CIP2A: variants seen among roughly 807,000 people sequenced by gnomAD.
The protein encoded by CIP2A is protein CIP2A.
In CIP2A, 103 loss-of-function variants were observed where a neutral mutation model predicts 110.9. The observed-to-expected ratio is 0.93, with a 90% CI of 0.79 to 1.09. The LOEUF (loss-of-function observed/expected upper bound fraction) is 1.09. CIP2A is among the 50% of genes least tolerant of loss of function. The pLI is 0.00. For synonymous variants in CIP2A, 381 were observed against 361.6 expected (o/e 1.05, Z -0.61); for missense variants, 1,088 against 1,038.4 (o/e 1.05, Z -0.66).
intron 5 of CIP2A, among the ~76,000 whole-genome samples, chr3:108,580,816 A>C (rs1434996918): frequency 6.6e-6 from 1 of 151,992 alleles, no homozygotes; most frequent in East Asian, 1.9e-4. Context: ...TTTGGTAGAG[A>C]CAGGGTTCAC....
At chr3:108,565,239 C>T in intron 12 of CIP2A, 116 bp downstream of exon 12, 1 of 579,518 alleles carries the variant, frequency 1.7e-6, no homozygotes, top group Non-Finnish European at 3.0e-6. Context: ...AAACTTTCTT[C>T]TCATTGCCAA....
chr3:108,589,165 GA>G, intron 1 of CIP2A, 108 bp downstream of exon 1: 1 of 764,594 alleles, frequency 1.3e-6, no homozygotes, highest in Admixed American at 2.3e-5. Context: ...CAGAGGGATC[GA>G]AGGACTGTCC....
chr3:108,584,967 G>A (rs1389763115), intron 2 of CIP2A, 98 bp downstream of exon 2: 19 of 1,138,248 alleles, frequency 1.7e-5, no homozygotes, highest in Admixed American at 7.2e-5. Flanking sequence ...GTCTTTGAAG[G>A]TGAATCATTC....
Position 108,565,388 on chromosome 3 carries a change from A to G in CIP2A, c.1482T>C (p.Pro494=). The change falls in exon 12 of 21, where the codon CCT becomes CCC. Residue 494 remains proline (P), a synonymous_variant. Coordinates refer to ENST00000295746, the MANE Select transcript of CIP2A (RefSeq NM_020890.3). ...DLINKLKPLV[P]GMEVSFYKIL... ...TTTTGTAGAAGCTTACTTCCATACC[A>G]GGAACCAATGGTTTAAGTTTGTTAA... is the stretch of plus-strand genomic sequence containing the variant. The G allele has an allele frequency of 6.3e-7, 1 of 1,599,466 alleles. No homozygotes were observed. Among genetic ancestry groups the G allele is most frequent in the Non-Finnish European group, 8.5e-7 (1 of 1,171,776 alleles).
intron 8 of CIP2A, among the ~76,000 whole-genome samples, chr3:108,571,993 G>A (rs1388647810): frequency 1.3e-5 from 2 of 151,976 alleles, no homozygotes; most frequent in African/African-American, 2.4e-5. Flanking sequence ...ATCACTTCAT[G>A]TTTATTGACC....
intron 2 of CIP2A, among the ~76,000 whole-genome samples, chr3:108,583,720 G>A (rs766558160): frequency 4.6e-5 from 7 of 152,078 alleles, no homozygotes; most frequent in Non-Finnish European, 8.8e-5. Context: ...AGAGTAAGGT[G>A]ACTATAGTTA....
intron 17 of CIP2A, among the ~76,000 whole-genome samples, chr3:108,555,378 A>C (rs1488323837): frequency 6.6e-6 from 1 of 152,206 alleles, no homozygotes; most frequent in Non-Finnish European, 1.5e-5. Context: ...GAAGTAAATA[A>C]GTAACTTGTT....
At position 108,563,241 on chromosome 3, in the gene CIP2A, G is replaced by A. The variant is rs1221535647; in HGVS notation, c.1519C>T (p.Pro507Ser). Residue 507 changes from proline (P) to serine (S), a missense_variant, in exon 13 of 21, where the codon CCA becomes TCA. Physicochemically the swap from Pro to Ser is moderately conservative, Grantham distance 74 (BLOSUM62 -1). Coordinates refer to ENST00000295746, the MANE Select transcript of CIP2A (RefSeq NM_020890.3). ...AAAGCCAAAGGAGTAATCAAACGTG[G>A]GTCCTAAATAAATCAGAAACCAAAA... ...EVSFYKILQD[P>S]RLITPLAFAL... The A allele has an allele frequency of 1.9e-6, 3 of 1,592,498 alleles. No homozygotes were observed. In the African/African-American group the frequency reaches 4.0e-5, roughly 21 times the overall value.
chr3:108,565,252 C>G (rs1419208093), intron 12 of CIP2A, 103 bp downstream of exon 12: 3 of 623,072 alleles, frequency 4.8e-6, no homozygotes, highest in Non-Finnish European at 8.3e-6. Flanking sequence ...ATTGCCAATT[C>G]TAAGAGAATT....
At chr3:108,567,880 A>G (rs2107334442) in intron 10 of CIP2A, among the ~76,000 whole-genome samples, 1 of 152,098 alleles carries the variant, frequency 6.6e-6, no homozygotes, top group Non-Finnish European at 1.5e-5. Context: ...CAAATGTCAA[A>G]TTGTGATACA....
intron 12 of CIP2A, 85 bp downstream of exon 12, chr3:108,565,270 A>G (rs1938143485): frequency 1.5e-6 from 1 of 687,316 alleles, no homozygotes; most frequent in African/African-American, 1.9e-5. Context: ...ATTATCTTCT[A>G]AAGATTAAGA....
chr3:108,568,076 C>A, intron 10 of CIP2A, 79 bp downstream of exon 10: 2 of 1,075,230 alleles, frequency 1.9e-6, no homozygotes, highest in Non-Finnish European at 1.3e-6. Context: ...CAAATAAAGA[C>A]AAAATGCAGT....
At chr3:108,576,560 CAT>C (rs796538235) in intron 7 of CIP2A, among the ~76,000 whole-genome samples, 7 of 152,218 alleles carry the variant, frequency 4.6e-5, no homozygotes, top group African/African-American at 1.7e-4. Context: ...TTTATTAAAA[CAT>C]AGTGATTCAT....
chr3:108,566,370 AAT>A (rs1483717556), intron 11 of CIP2A, 125 bp downstream of exon 11: 18 of 673,102 alleles, frequency 2.7e-5, no homozygotes, highest in Admixed American at 9.1e-5. Context: ...TCATTATGAA[AAT>A]ATGTTTGTTA....
chr3:108,565,600 A>C, intron 11 of CIP2A, 146 bp from the exon 12 acceptor site: 1 of 530,412 alleles, frequency 1.9e-6, no homozygotes, highest in Non-Finnish European at 3.4e-6. Flanking sequence ...TTGAGAAGTA[A>C]AAATCTCAAT....
chr3:108,586,549 T>G (rs933368105), intron 1 of CIP2A, among the ~76,000 whole-genome samples: 1 of 152,204 alleles, frequency 6.6e-6, no homozygotes, highest in Non-Finnish European at 1.5e-5. Context: ...CAAAGATAAT[T>G]TATTTTAATA....
At chr3:108,568,525 A>T (rs1938264638) in intron 9 of CIP2A, among the ~76,000 whole-genome samples, 1 of 152,028 alleles carries the variant, frequency 6.6e-6, no homozygotes, top group Non-Finnish European at 1.5e-5. Context: ...CAAATTAGAC[A>T]GTAAGGTTTT....
rs780556414 is a variant in CIP2A at position 108,563,144 on chromosome 3, G to A, written c.1616C>T (p.Pro539Leu). ...AACTCACACTAAAGCAGGAAAATCT[G>A]GCAGTGGAGCAGCCTCCAATAATAT... is the stretch of plus-strand genomic sequence containing the variant. ...LRILLEAAPL[P>L]DFPALVLGES... Residue 539 changes from proline (P) to leucine (L), a missense_variant, in exon 13 of 21, where the codon CCA (proline) becomes CTA (leucine). By Grantham distance (98) the Pro-to-Leu change is moderately conservative. Transcript: ENST00000295746. 1 of 1,608,342 alleles carries A rather than the reference G, an allele frequency of 6.2e-7. No individual in the cohort carries two copies. Among genetic ancestry groups the A allele is most frequent in the Non-Finnish European group, 8.5e-7 (1 of 1,175,002 alleles).
At chr3:108,574,835 T>C (rs1031616485) in intron 8 of CIP2A, 1 of 153,706 alleles carries the variant, frequency 6.5e-6, no homozygotes, top group Non-Finnish European at 1.5e-5. Flanking sequence ...ATCATGTCCA[T>C]CCACACAAAT....
Sources: gnomAD v4.1 joint callset for allele counts (sites outside exome capture counted in the v4.1 genomes callset) on GRCh38, gnomAD v4.1.1 for gene constraint, MANE v1.5 for transcripts, NCBI Gene and HGNC (gene_info 2026-07-23, HGNC 2026-07-21) for gene names.